PRKN: variants seen among roughly 807,000 people sequenced by gnomAD.
The protein encoded by PRKN is E3 ubiquitin-protein ligase parkin.
PRKN carries 56 observed loss-of-function variants against 59.5 expected under a neutral mutation model. The ratio of observed to expected loss-of-function variants is 0.94; its 90% CI spans 0.76 to 1.18. The LOEUF is 1.18. Ranked by LOEUF, PRKN falls within the 50% of genes most tolerant of loss-of-function variation. PRKN has a pLI of 0.00. For synonymous variants in PRKN, 250 were observed against 222.1 expected, an observed-to-expected ratio of 1.13 and a Z score of -1.12; for missense variants, 657 against 596.4, an observed-to-expected ratio of 1.10 and a Z score of -1.06.
intron 1 of PRKN, among the ~76,000 whole-genome samples, chr6:162,718,827 A>C (rs947365542): frequency 3.9e-5 from 6 of 152,252 alleles, no homozygotes; most frequent in African/African-American, 1.2e-4. Flanking sequence ...GAGACTTGGT[A>C]TAAAACTCAA....
intron 4 of PRKN, among the ~76,000 whole-genome samples, chr6:162,082,014 C>T (rs1244420261): frequency 1.3e-5 from 2 of 152,148 alleles, no homozygotes; most frequent in Non-Finnish European, 2.9e-5. Context: ...GCTTCCTCAC[C>T]TCTCTCAGCC....
chr6:161,350,329 T>G, intron 11 of PRKN, 118 bp from the exon 12 acceptor site: 1 of 713,080 alleles, frequency 1.4e-6, no homozygotes, highest in Non-Finnish European at 2.5e-6. Flanking sequence ...TCACAAGCAA[T>G]ACAAGGGCAG....
At chr6:161,619,308 A>C (rs1782805537) in intron 7 of PRKN, among the ~76,000 whole-genome samples, 1 of 141,874 alleles carries the variant, frequency 7.0e-6, no homozygotes, top group South Asian at 2.2e-4. Flanking sequence ...CCATAGGGAA[A>C]GTCATTTGCT....
At chr6:161,874,264 A>T (rs538782230) in intron 6 of PRKN, among the ~76,000 whole-genome samples, 2 of 10,668 alleles carry the variant, frequency 1.9e-4, no homozygotes, top group African/African-American at 2.7e-4. Context: ...ATTATATGTA[A>T]AATATATAAT....
At chr6:162,174,147 G>A (rs1783423037) in intron 4 of PRKN, among the ~76,000 whole-genome samples, 1 of 152,160 alleles carries the variant, frequency 6.6e-6, no homozygotes, top group African/African-American at 2.4e-5. Context: ...CAGTTTAAAG[G>A]TAGAATTCCT....
chr6:162,695,403 T>G (rs1016021615), intron 1 of PRKN, among the ~76,000 whole-genome samples: 1 of 152,154 alleles, frequency 6.6e-6, no homozygotes, highest in Non-Finnish European at 1.5e-5. Context: ...GGCTCATATT[T>G]AATATCCTAT....
At position 162,040,567 on chromosome 6, in the gene PRKN, C is replaced by T. The variant is rs995659769; in HGVS notation, c.618+13524G>A. ...ATATACAGGCGCCCACCACCATGCC[C>T]GGCTATTTTTTTTTTTTTTTTTTTG... On this transcript the variant is annotated intron_variant, in intron 5 of 11. Coordinates refer to ENST00000366898, the MANE Select transcript of PRKN (RefSeq NM_004562.3). 1.1e-4 allele frequency among the ~76,000 whole-genome samples: 15 copies of T among 135,422 alleles called. No individual in the cohort carries two copies. In the South Asian group the frequency reaches 2.2e-3, roughly 20 times the overall value. 88.8% of individuals were successfully genotyped at this position (135,422 alleles called of 152,430 possible). A position where few individuals can be genotyped will look rare whatever the true frequency, so the allele number is the denominator to read the frequency against.
intron 10 of PRKN, among the ~76,000 whole-genome samples, chr6:161,384,727 C>G (rs1322979014): frequency 2.6e-5 from 4 of 152,158 alleles, no homozygotes; most frequent in Non-Finnish European, 5.9e-5. Context: ...GCTGGAATGT[C>G]CTTTACCACA....
At position 161,554,421 on chromosome 6, in the gene PRKN, C is replaced by CACAG. The variant is rs150833472; in HGVS notation, c.934-5419_934-5418insCTGT. ...ACTTCTATACACACACACACACACA[C>CACAG]ACACACACACGCATGCAGGCACAAC... On this transcript the variant is annotated intron_variant, in intron 8 of 11. Coordinates refer to ENST00000366898, the MANE Select transcript of PRKN (RefSeq NM_004562.3). This position sits in a 1 kb window ranked among gnomAD's most constrained non-coding sequence, Gnocchi z 4.5. Among the ~76,000 whole-genome samples the CACAG allele has an allele frequency of 1.3e-5, 2 of 151,370 alleles. No homozygotes were observed. Among genetic ancestry groups the CACAG allele is most frequent in the Non-Finnish European group, 2.9e-5 (2 of 67,838 alleles).
chr6:162,456,214 G>A (rs2128172581), intron 1 of PRKN, among the ~76,000 whole-genome samples: 1 of 152,188 alleles, frequency 6.6e-6, no homozygotes, highest in Non-Finnish European at 1.5e-5. Context: ...TGAAAAGGAA[G>A]AACAAAATGA....
intron 1 of PRKN, among the ~76,000 whole-genome samples, chr6:162,539,180 T>G (rs1296389252): frequency 6.6e-6 from 1 of 152,054 alleles, no homozygotes; most frequent in East Asian, 1.9e-4. Context: ...TTTCTCCATG[T>G]AAACATTTTT....
intron 6 of PRKN, among the ~76,000 whole-genome samples, chr6:161,807,572 G>A (rs2128212474): frequency 6.6e-6 from 1 of 152,324 alleles, no homozygotes; most frequent in African/African-American, 2.4e-5. Context: ...AAACCTGGGA[G>A]AGGAGCCTTT....
rs1789129945 is a variant in PRKN, at chr6:161,440,032, G to C, written c.1084-53155C>G. Among the ~76,000 whole-genome samples the C allele has an allele frequency of 6.6e-6, 1 of 151,296 alleles. No individual in the cohort carries two copies. Among genetic ancestry groups the C allele is most frequent in the South Asian group, 2.1e-4 (1 of 4,768 alleles). On this transcript the variant is annotated intron_variant, in intron 9 of 11. Transcript: ENST00000366898. This position sits in a 1 kb window ranked among gnomAD's most constrained non-coding sequence, Gnocchi z 4.1. ...GTGGCGCGATCTCGGCTCACTGCAA[G>C]CTCCACCTCCCGGGTTCATGCTACT...
chr6:162,187,259 C>T (rs1263257809), intron 4 of PRKN, among the ~76,000 whole-genome samples: 2 of 152,266 alleles, frequency 1.3e-5, no homozygotes, highest in East Asian at 3.9e-4. Flanking sequence ...TCAGTATATG[C>T]TTGGAGGTGA....
intron 7 of PRKN, among the ~76,000 whole-genome samples, chr6:161,641,789 C>T (rs996612036): frequency 1.3e-5 from 2 of 152,204 alleles, no homozygotes; most frequent in African/African-American, 2.4e-5. Flanking sequence ...AGGCAAAGTG[C>T]CCTGTGGCGC....
intron 2 of PRKN, among the ~76,000 whole-genome samples, chr6:162,363,300 G>T (rs905067740): frequency 2.0e-5 from 3 of 152,130 alleles, no homozygotes; most frequent in African/African-American, 7.2e-5. Flanking sequence ...AAAATCTTTT[G>T]ATGCTGCTGT....
At chr6:162,235,950 G>GAAAGAAAGAAAGAAA (rs1562602152) in intron 3 of PRKN, among the ~76,000 whole-genome samples, 5 of 102,398 alleles carry the variant, frequency 4.9e-5, no homozygotes, top group East Asian at 2.4e-4. Flanking sequence ...AGGAAGGAAG[G>GAAAGAAAGAAAGAAA]AAGAAAGGAA....
At chr6:162,667,484 G>C (rs967248877) in intron 1 of PRKN, among the ~76,000 whole-genome samples, 1 of 151,996 alleles carries the variant, frequency 6.6e-6, no homozygotes, top group Non-Finnish European at 1.5e-5. Flanking sequence ...CACTTTGAAA[G>C]TCTGTCAAAA....
intron 7 of PRKN, among the ~76,000 whole-genome samples, chr6:161,732,098 T>C (rs1229459059): frequency 1.3e-5 from 2 of 151,898 alleles, no homozygotes; most frequent in Non-Finnish European, 2.9e-5. Flanking sequence ...TCTATTTTTT[T>C]TTTTTTGAGA....
Sources: allele counts gnomAD v4.1 joint callset (sites outside exome capture counted in the v4.1 genomes callset), GRCh38; gene constraint gnomAD v4.1.1; non-coding constraint Gnocchi (gnomAD v3.1); transcripts MANE v1.5; gene names NCBI Gene and HGNC (gene_info 2026-07-23, HGNC 2026-07-21).